CNNM2: variants seen among roughly 807,000 people sequenced by gnomAD.
The protein encoded by CNNM2 is metal transporter CNNM2.
Under a neutral mutation model 66.9 loss-of-function variants are expected in CNNM2, and 12 were observed. That is an observed-to-expected ratio of 0.18 (90% CI 0.11 to 0.29). The LOEUF (loss-of-function observed/expected upper bound fraction) is 0.29. CNNM2 is among the 10% of genes least tolerant of loss of function. The pLI, the probability that CNNM2 is intolerant of heterozygous loss-of-function variation, is 1.00. For missense variants in CNNM2, 705 were observed against 1,167.7 expected (o/e 0.60, Z 5.77); for synonymous variants, 557 against 501.8 (o/e 1.11, Z -1.47).
At chr10:102,997,975 C>G (rs1286706321) in intron 1 of CNNM2, among the ~76,000 whole-genome samples, 1 of 151,924 alleles carries the variant, frequency 6.6e-6, no homozygotes, top group Non-Finnish European at 1.5e-5. Flanking sequence ...ATGACTTGCA[C>G]TGAACTAGAT....
intron 1 of CNNM2, among the ~76,000 whole-genome samples, chr10:103,035,245 A>C: frequency 6.6e-6 from 1 of 152,316 alleles, no homozygotes; most frequent in South Asian, 2.1e-4. Context: ...GAAAGACAGA[A>C]ATAGTCTCAT....
chr10:102,925,780 A>G (rs34572965), intron 1 of CNNM2, among the ~76,000 whole-genome samples: 2 of 152,044 alleles, frequency 1.3e-5, no homozygotes, highest in East Asian at 3.8e-4. Context: ...GCATTTTATT[A>G]TATAGAAAAT....
rs1284565203 is a variant in CNNM2, at chr10:102,974,468, G to A, written c.1621+54367G>A. ...TAGCACTTAAGGACATCTGCGGAGG[G>A]CCAAATGTGAGTCCGTAGTGAGATG... On this transcript the variant is annotated intron_variant, in intron 1 of 7. Transcript: ENST00000369878. Among the ~76,000 whole-genome samples the A allele has an allele frequency of 2.6e-5, 4 of 152,240 alleles. No homozygotes were observed. In the East Asian group the frequency reaches 5.8e-4, roughly 22 times the overall value.
chr10:103,059,359 C>T (rs1414007126), intron 4 of CNNM2, among the ~76,000 whole-genome samples: 1 of 152,144 alleles, frequency 6.6e-6, no homozygotes, highest in Admixed American at 6.5e-5. Flanking sequence ...GAGATGCTCT[C>T]CCTGCAGGAA....
At chr10:102,977,136 C>G (rs1004760416) in intron 1 of CNNM2, among the ~76,000 whole-genome samples, 1 of 152,180 alleles carries the variant, frequency 6.6e-6, no homozygotes, top group Non-Finnish European at 1.5e-5. Context: ...CATCTGACTG[C>G]AGAGTGGAAA....
At chr10:103,029,701 A>C (rs2134299412) in intron 1 of CNNM2, among the ~76,000 whole-genome samples, 1 of 151,876 alleles carries the variant, frequency 6.6e-6, no homozygotes, top group South Asian at 2.1e-4. Context: ...GTCTCTACTA[A>C]AAATACAAAA....
rs1446487440 is a variant in CNNM2 at position 103,086,724 on chromosome 10, A to AG, written c.*9547dup. The stretch of plus-strand genomic sequence containing the variant: ...TAAAAACGACTTCTAAAAGTATCTT[A>AG]GGGTAGCTTGAAGGGTTTGCGTTAT... On this transcript the variant is annotated 3_prime_UTR_variant, in exon 8 of 8. Coordinates refer to ENST00000369878, the MANE Select transcript of CNNM2 (RefSeq NM_017649.5). 3.9e-5 allele frequency: 6 copies of AG among 152,236 alleles called. No homozygotes were observed. The highest frequency in any genetic ancestry group is 1.4e-4 in the African/African-American group (6 of 41,458). 9.4% of individuals were successfully genotyped at this position (152,236 alleles called of 1,614,324 possible).
intron 1 of CNNM2, among the ~76,000 whole-genome samples, chr10:103,007,295 T>C (rs561502331): frequency 2.0e-5 from 3 of 152,262 alleles, no homozygotes; most frequent in Admixed American, 2.0e-4. Context: ...AAAATCAAAC[T>C]CCTGATAAGG....
intron 1 of CNNM2, among the ~76,000 whole-genome samples, chr10:102,977,076 T>C (rs1163449530): frequency 3.3e-5 from 5 of 152,174 alleles, no homozygotes; most frequent in Admixed American, 6.5e-5. Flanking sequence ...AAAAGAGTTT[T>C]AGAAAAGACA....
intron 1 of CNNM2, among the ~76,000 whole-genome samples, chr10:102,995,201 T>TCCTCCCCCTCTTCCTCC (rs564530722): frequency 1.8e-3 from 1 of 558 alleles, no homozygotes; most frequent in Non-Finnish European, 2.8e-3. Flanking sequence ...CTCTTCCTCC[T>TCCTCCCCCTCTTCCTCC]CCTTCCTCTT....
chr10:103,036,402 C>G (rs550214803), intron 1 of CNNM2, among the ~76,000 whole-genome samples: 1 of 152,270 alleles, frequency 6.6e-6, no homozygotes, highest in African/African-American at 2.4e-5. Context: ...AAAGTCAACC[C>G]ATGAAGTCCC....
chr10:103,071,494 C>T (rs745960488), intron 5 of CNNM2, among the ~76,000 whole-genome samples: 7 of 152,240 alleles, frequency 4.6e-5, no homozygotes, highest in Non-Finnish European at 7.3e-5. Context: ...TAGCAGGTTT[C>T]GAGCTATCAA....
At chr10:102,928,217 T>G (rs985349080) in intron 1 of CNNM2, among the ~76,000 whole-genome samples, 1 of 152,210 alleles carries the variant, frequency 6.6e-6, no homozygotes, top group African/African-American at 2.4e-5. Context: ...TAACAATTCT[T>G]TCTGTAGGCT....
chr10:103,042,717 TG>T (rs1230146798), intron 1 of CNNM2, among the ~76,000 whole-genome samples: 6 of 152,368 alleles, frequency 3.9e-5, no homozygotes, highest in Non-Finnish European at 7.3e-5. Context: ...TTCTCTCACT[TG>T]ATCAGTTTGT....
chr10:102,918,580 A>T lies in CNNM2; in HGVS notation c.100A>T (p.Ser34Cys), dbSNP rs748377838. 8.9e-6 allele frequency: 14 copies of T among 1,576,232 alleles called. No homozygotes were observed. In the African/African-American group the frequency reaches 1.8e-4, roughly 20 times the overall value. The change falls in exon 1 of 8, where the codon AGC (serine) becomes TGC (cysteine). Residue 34 changes from serine to cysteine, a missense_variant. Physicochemically the swap from Ser to Cys is moderately radical, Grantham distance 112. Around this residue, in one of 9 missense-constraint regions of CNNM2, gnomAD observed 98 missense variants for 73.6 expected, o/e 1.33. Coordinates refer to ENST00000369878, the MANE Select transcript of CNNM2 (RefSeq NM_017649.5). The surrounding 1 kb of genome is among the most constrained non-coding windows in gnomAD (Gnocchi z 4.1). Reference protein sequence around the residue: ...TWKMAARRSLSARGRGILQAA... With the variant: ...TWKMAARRSLCARGRGILQAA... ...GAAGATGGCGGCGCGCCGCAGCCTC[A>T]GCGCTCGCGGCCGGGGGATCCTGCA...
At chr10:102,946,303 G>A (rs1190672168) in intron 1 of CNNM2, among the ~76,000 whole-genome samples, 1 of 152,166 alleles carries the variant, frequency 6.6e-6, no homozygotes. Flanking sequence ...AGGCAGAAAG[G>A]TTGTGTTTGG....
At chr10:102,954,652 A>G (rs934167228) in intron 1 of CNNM2, among the ~76,000 whole-genome samples, 8 of 152,232 alleles carry the variant, frequency 5.3e-5, no homozygotes, top group South Asian at 2.1e-4. Context: ...CAGCAATGCA[A>G]TCCAGGTCCA....
At chr10:103,021,659 T>C (rs1427323740) in intron 1 of CNNM2, among the ~76,000 whole-genome samples, 1 of 152,126 alleles carries the variant, frequency 6.6e-6, no homozygotes, top group African/African-American at 2.4e-5. Flanking sequence ...TGACTCCTGC[T>C]GTAGGAAACA....
At position 103,018,686 on chromosome 10, in the gene CNNM2, C is replaced by CTTTTTTTT. The variant is rs370000130; in HGVS notation, c.1622-31007_1622-31000dup. 4.6e-3 allele frequency among the ~76,000 whole-genome samples: 534 copies of CTTTTTTTT among 116,208 alleles called. 15 individuals are homozygous for CTTTTTTTT. The highest frequency in any genetic ancestry group is 0.028 in the East Asian group (116 of 4,134). The allele number at this position is 116,208 out of a possible 152,430, so 76.2% of individuals were successfully genotyped here. A position where few individuals can be genotyped will look rare whatever the true frequency, so the allele number is the denominator to read the frequency against. ...AGCAAGGTAAATATACTCTTCTTTC[C>CTTTTTTTT]TTTTTTTTTTTTTTTTTTTTTGAGA... On this transcript the variant is annotated intron_variant, in intron 1 of 7. Transcript: ENST00000369878.
Sources: allele counts gnomAD v4.1 joint callset (sites outside exome capture counted in the v4.1 genomes callset), GRCh38; gene constraint gnomAD v4.1.1; regional missense constraint gnomAD v4.1.1; non-coding constraint Gnocchi (gnomAD v3.1); transcripts MANE v1.5; gene names NCBI Gene and HGNC (gene_info 2026-07-23, HGNC 2026-07-21).